FNBP1: variants seen among roughly 807,000 people sequenced by gnomAD.
FNBP1 encodes formin binding protein 1, also known as formin-binding protein 1.
FNBP1 carries 26 observed loss-of-function variants against 90.6 expected under a neutral mutation model. The observed-to-expected ratio is 0.29, with a 90% CI of 0.21 to 0.40. The LOEUF (loss-of-function observed/expected upper bound fraction) is 0.40, where lower values mean the gene tolerates loss of function less well. Among genes scored for constraint, FNBP1 ranks in the 10% least tolerant of loss-of-function variants. The probability of loss-of-function intolerance (pLI) is 1.00; values close to 1 mark genes in which losing one functional copy is unlikely to be tolerated. For missense variants in FNBP1, 635 were observed against 768.0 expected, an observed-to-expected ratio of 0.83 and a Z score of 2.05; for synonymous variants, 260 against 265.2, an observed-to-expected ratio of 0.98 and a Z score of 0.19.
At chr9:129,976,153 G>A (rs568023578) in intron 4 of FNBP1, among the ~76,000 whole-genome samples, 4 of 152,112 alleles carry the variant, frequency 2.6e-5, no homozygotes, top group Non-Finnish European at 4.4e-5. Context: ...AGCAGAAACT[G>A]TCATCTAATT....
intron 2 of FNBP1, among the ~76,000 whole-genome samples, chr9:129,993,735 A>G (rs931852395): frequency 1.3e-4 from 20 of 150,482 alleles, no homozygotes; most frequent in Middle Eastern, 3.4e-3. Context: ...AGCAGTTCTC[A>G]TGTCTCACCC....
rs574539504 is a variant in FNBP1 at position 129,911,074 on chromosome 9, C to A, written c.1186-2075G>T. ...TATGGATTTCACCACGTTGGTCAGG[C>A]TGGTCTCGAACTCCCGACCTCAGGC... On this transcript the variant is annotated intron_variant, in intron 11 of 16. Transcript: ENST00000446176. Among the ~76,000 whole-genome samples the A allele has an allele frequency of 1.5e-3, 234 of 152,312 alleles. 2 individuals are homozygous for A. Among genetic ancestry groups the A allele is most frequent in the Non-Finnish European group, 2.4e-3 (166 of 68,020 alleles).
chr9:130,046,596 A>C (rs1396840911), upstream of FNBP1, among the ~76,000 whole-genome samples: 12 of 149,702 alleles, frequency 8.0e-5, no homozygotes, highest in Non-Finnish European at 1.6e-4. Context: ...AAAAAAAAAA[A>C]AAAAAAAACA....
At chr9:130,012,806 A>C (rs1400421176) in intron 1 of FNBP1, among the ~76,000 whole-genome samples, 1 of 151,968 alleles carries the variant, frequency 6.6e-6, no homozygotes, top group Non-Finnish European at 1.5e-5. Flanking sequence ...CACCAGGCTA[A>C]TTTTTTGTAT....
chr9:129,996,943 C>T (rs558598864), intron 1 of FNBP1, among the ~76,000 whole-genome samples: 33 of 152,036 alleles, frequency 2.2e-4, no homozygotes, highest in Non-Finnish European at 4.3e-4. Flanking sequence ...GATCCTCCCG[C>T]CTTGGCATCC....
intron 10 of FNBP1, among the ~76,000 whole-genome samples, chr9:129,918,809 A>G (rs1234277096): frequency 1.3e-5 from 2 of 151,896 alleles, no homozygotes; most frequent in Non-Finnish European, 2.9e-5. Flanking sequence ...GTCATACCCA[A>G]TGACATCTCA....
upstream of FNBP1, chr9:130,043,291 A>C (rs991585402): frequency 1.9e-5 from 4 of 209,692 alleles, no homozygotes; most frequent in East Asian, 2.1e-4. Context: ...CGCCCGCCCC[A>C]CCCCGGCCCG....
Position 129,899,851 on chromosome 9 carries a change from G to T in FNBP1, c.1687+114C>A, listed in dbSNP as rs1384183401. ...GGGAAGGTAGGAAGGAAGGAAGGAA[G>T]GACAAAGGAATAAAAATGATCAGAA... On this transcript the variant is annotated intron_variant, in intron 15 of 16. Coordinates refer to ENST00000446176, the MANE Select transcript of FNBP1 (RefSeq NM_015033.3). The T allele has an allele frequency of 5.3e-6, 5 of 948,630 alleles. No homozygotes were observed. In the Admixed American group the frequency reaches 1.2e-4, roughly 22 times the overall value. 58.8% of individuals were successfully genotyped at this position (948,630 alleles called of 1,614,324 possible).
Position 129,966,732 on chromosome 9 carries a change from AAAC to A in FNBP1, c.346-8182_346-8180del, listed in dbSNP as rs550427768. Among the ~76,000 whole-genome samples, 865 of 151,214 alleles carry A rather than the reference AAAC, an allele frequency of 5.7e-3. 7 individuals carry two copies. The highest frequency in any genetic ancestry group is 0.017 in the Middle Eastern group (5 of 292). ...TGGGTGATGGAGCGAGACTCCGTCTAAACAACAACAACAACAACAACAACAACA... is the reference window on the plus strand; with the variant it reads ...TGGGTGATGGAGCGAGACTCCGTCTAAACAACAACAACAACAACAACAACA... On this transcript the variant is annotated intron_variant, in intron 4 of 16. Coordinates refer to ENST00000446176, the MANE Select transcript of FNBP1 (RefSeq NM_015033.3). This position sits in a 1 kb window ranked among gnomAD's most constrained non-coding sequence, Gnocchi z 4.3.
intron 10 of FNBP1, among the ~76,000 whole-genome samples, chr9:129,923,012 C>T (rs557567253): frequency 5.9e-5 from 9 of 151,874 alleles, no homozygotes; most frequent in Admixed American, 2.0e-4. Flanking sequence ...TGAGACACTG[C>T]GCTTGTCCTA....
At chr9:130,022,491 G>A (rs901211470) in intron 1 of FNBP1, among the ~76,000 whole-genome samples, 1 of 152,236 alleles carries the variant, frequency 6.6e-6, no homozygotes, top group African/African-American at 2.4e-5. Context: ...ACAGGGGTAA[G>A]CCACCGTGCC....
chr9:129,928,434 G>A (rs1389890046), intron 7 of FNBP1, among the ~76,000 whole-genome samples: 2 of 152,076 alleles, frequency 1.3e-5, no homozygotes, highest in Non-Finnish European at 2.9e-5. Flanking sequence ...CAAGGCGGGC[G>A]GATCACCTGA....
chr9:129,936,855 T>G (rs538182204), intron 6 of FNBP1, among the ~76,000 whole-genome samples: 1 of 152,264 alleles, frequency 6.6e-6, no homozygotes, highest in East Asian at 1.9e-4. Flanking sequence ...CGTATTTCTC[T>G]AGGATTTGTC....
chr9:129,923,689 C>A (rs1234627672), intron 10 of FNBP1, among the ~76,000 whole-genome samples, 155 bp downstream of exon 10: 2 of 149,818 alleles, frequency 1.3e-5, no homozygotes, highest in African/African-American at 2.4e-5. Context: ...TCTGGCTTTT[C>A]TTTCTAGCTA....
chr9:129,921,263 T>G (rs959688670), intron 10 of FNBP1, among the ~76,000 whole-genome samples: 3 of 152,080 alleles, frequency 2.0e-5, no homozygotes, highest in Non-Finnish European at 4.4e-5. Flanking sequence ...GAATTTACAT[T>G]CTTTACTTTT....
chr9:130,017,259 T>C (rs2057331685), intron 1 of FNBP1, among the ~76,000 whole-genome samples: 1 of 152,194 alleles, frequency 6.6e-6, no homozygotes. Context: ...ATGTGAGATA[T>C]CTAAGTGTTT....
chr9:130,002,342 A>G (rs925918030), intron 1 of FNBP1, among the ~76,000 whole-genome samples: 3 of 152,114 alleles, frequency 2.0e-5, no homozygotes, highest in Non-Finnish European at 4.4e-5. Context: ...GTCCCCCTCA[A>G]ACTTCATGTT....
chr9:129,931,498 C>A (rs995866793), intron 6 of FNBP1, among the ~76,000 whole-genome samples: 2 of 151,392 alleles, frequency 1.3e-5, no homozygotes, highest in Non-Finnish European at 2.9e-5. Context: ...CCCAGCTACT[C>A]GGGAGGCTGA....
At chr9:129,918,496 C>T (rs376838115) in intron 10 of FNBP1, among the ~76,000 whole-genome samples, 3 of 152,222 alleles carry the variant, frequency 2.0e-5, no homozygotes, top group East Asian at 1.9e-4. Flanking sequence ...ACATGGGGAA[C>T]ACAGCCCAGG....
Sources: allele counts gnomAD v4.1 joint callset (sites outside exome capture counted in the v4.1 genomes callset), GRCh38; gene constraint gnomAD v4.1.1; non-coding constraint Gnocchi (gnomAD v3.1); transcripts MANE v1.5; gene names NCBI Gene and HGNC (gene_info 2026-07-23, HGNC 2026-07-21).